The following ZHX2 variants were observed in gnomAD, a reference collection of about 807,000 sequenced individuals.
ZHX2 encodes the protein zinc fingers and homeoboxes 2.
ZHX2 carries 6 observed loss-of-function variants against 21.9 expected under a neutral mutation model. The observed-to-expected ratio is 0.27, with a 90% confidence interval of 0.15 to 0.54. ZHX2 has a LOEUF of 0.54. ZHX2 is among the 20% of genes least tolerant of loss of function. The probability of loss-of-function intolerance (pLI) is 0.95; values close to 1 mark genes in which losing one functional copy is unlikely to be tolerated. For synonymous variants in ZHX2, 434 were observed against 437.1 expected (o/e 0.99, Z 0.09); for missense variants, 908 against 1,090.7 (o/e 0.83, Z 2.36).
chr8:122,791,437 G>A (rs1817516586), intron 1 of ZHX2, among the ~76,000 whole-genome samples: 1 of 152,210 alleles, frequency 6.6e-6, no homozygotes, highest in African/African-American at 2.4e-5. Context: ...AGAGACACAG[G>A]ATCTCGGGTG....
At chr8:122,931,224 C>T (rs1335252852) in intron 2 of ZHX2, among the ~76,000 whole-genome samples, 1 of 152,210 alleles carries the variant, frequency 6.6e-6, no homozygotes, top group African/African-American at 2.4e-5. Context: ...GTGCATGAGG[C>T]TCCACGCCTG....
intron 1 of ZHX2, among the ~76,000 whole-genome samples, chr8:122,821,891 G>A (rs1018516957): frequency 6.6e-6 from 1 of 152,066 alleles, no homozygotes; most frequent in Non-Finnish European, 1.5e-5. Flanking sequence ...TTTTAGTAGA[G>A]ACAGAGTTTC....
intron 1 of ZHX2, among the ~76,000 whole-genome samples, chr8:122,824,633 A>G (rs1818224164): frequency 6.6e-6 from 1 of 152,240 alleles, no homozygotes; most frequent in Admixed American, 6.5e-5. Flanking sequence ...CAAGAGGATC[A>G]CTGGTACCAA....
Position 122,947,092 on chromosome 8 carries a change from C to CAAA in ZHX2, c.-219-4178_-219-4176dup, listed in dbSNP as rs57090731. Among the ~76,000 whole-genome samples, 44 of 67,274 alleles carry CAAA rather than the reference C, an allele frequency of 6.5e-4. 4 individuals carry two copies. The highest frequency in any genetic ancestry group is 7.8e-3 in the Middle Eastern group (1 of 128). The allele number at this position is 67,274 out of a possible 152,430, so 44.1% of individuals were successfully genotyped here. A position where few individuals can be genotyped will look rare whatever the true frequency, so the allele number is the denominator to read the frequency against. On this transcript the variant is annotated intron_variant, in intron 2 of 3. Transcript: ENST00000314393. ...GCAACAGGGTGAAATCCTGTCTTTG[C>CAAA]AAAAAAAAAAAAAAAAAAAAAAAAT...
intron 1 of ZHX2, among the ~76,000 whole-genome samples, chr8:122,839,391 A>G (rs1044360095): frequency 1.3e-5 from 2 of 151,844 alleles, no homozygotes; most frequent in African/African-American, 2.4e-5. Context: ...AGTGACTTCC[A>G]TGTGTTTTCC....
At chr8:122,934,599 G>GTTCCTTCCTTCC (rs1381878356) in intron 2 of ZHX2, among the ~76,000 whole-genome samples, 1 of 150,730 alleles carries the variant, frequency 6.6e-6, no homozygotes, top group Non-Finnish European at 1.5e-5. Context: ...TGGGTGCAAA[G>GTTCCTTCCTTCC]TTCCTTCCTT....
intron 2 of ZHX2, among the ~76,000 whole-genome samples, chr8:122,901,304 G>C (rs531697220): frequency 5.9e-5 from 9 of 152,174 alleles, no homozygotes; most frequent in Admixed American, 3.3e-4. Flanking sequence ...GGAAGAAAAT[G>C]TCATTGTGCA....
intron 1 of ZHX2, among the ~76,000 whole-genome samples, chr8:122,850,897 AC>A (rs1263903538): frequency 6.6e-6 from 1 of 152,082 alleles, no homozygotes; most frequent in Non-Finnish European, 1.5e-5. Flanking sequence ...CTGAGGCCCC[AC>A]ATCCTCACCT....
intron 2 of ZHX2, among the ~76,000 whole-genome samples, chr8:122,930,726 G>A (rs1563589434): frequency 1.3e-5 from 2 of 151,958 alleles, no homozygotes; most frequent in East Asian, 1.9e-4. Context: ...CTGACCTCAG[G>A]TGATCTGACT....
intron 2 of ZHX2, among the ~76,000 whole-genome samples, chr8:122,933,668 A>G (rs1037882261): frequency 6.6e-6 from 1 of 152,212 alleles, no homozygotes; most frequent in African/African-American, 2.4e-5. Context: ...AAAAAAAATA[A>G]AACAAGATTA....
rs552168125 is a variant in ZHX2, at chr8:122,905,635, A to G, written c.-220+42096A>G. ...TGCCAAAACAAAAGCAGAGGATGAG[A>G]ATTTTGAAAAAGGAAAACAGTCTGA... is the stretch of plus-strand genomic sequence containing the variant. On this transcript the variant is annotated intron_variant, in intron 2 of 3. Coordinates refer to ENST00000314393, the MANE Select transcript of ZHX2 (RefSeq NM_014943.5). Among the ~76,000 whole-genome samples the G allele has an allele frequency of 3.3e-5, 5 of 152,344 alleles. No individual in the cohort carries two copies. In the South Asian group the frequency reaches 1.0e-3, roughly 32 times the overall value.
chr8:122,871,421 C>A (rs1819433125), intron 2 of ZHX2, among the ~76,000 whole-genome samples: 2 of 150,916 alleles, frequency 1.3e-5, no homozygotes, highest in Admixed American at 6.6e-5. Flanking sequence ...AGCAAACTAT[C>A]GCAAGGACAA....
intron 1 of ZHX2, among the ~76,000 whole-genome samples, chr8:122,851,445 G>C (rs979494752): frequency 1.3e-5 from 2 of 152,110 alleles, no homozygotes; most frequent in Non-Finnish European, 2.9e-5. Flanking sequence ...CCTGCAGGAG[G>C]CCCTTCCCTG....
Position 122,921,169 on chromosome 8 carries a change from C to A in ZHX2, c.-219-30123C>A, listed in dbSNP as rs1820729027. 2.0e-5 allele frequency among the ~76,000 whole-genome samples: 3 copies of A among 152,102 alleles called. No homozygotes were observed. The South Asian group carries it at 6.2e-4, about 32-fold the overall frequency. On this transcript the variant is annotated intron_variant, in intron 2 of 3. Transcript: ENST00000314393. ...ATCTCTGCTCACTCTGCAACCTCTGCCTCCCAGGTTCAAGTGATTCTCCTG... is the reference window on the plus strand; with the variant it reads ...ATCTCTGCTCACTCTGCAACCTCTGACTCCCAGGTTCAAGTGATTCTCCTG...
chr8:122,792,519 C>CG (rs907858652), intron 1 of ZHX2, among the ~76,000 whole-genome samples: 21 of 152,082 alleles, frequency 1.4e-4, no homozygotes, highest in African/African-American at 4.6e-4. Context: ...TATAGTAACT[C>CG]TATGTTTAAC....
intron 2 of ZHX2, among the ~76,000 whole-genome samples, chr8:122,944,101 C>T (rs1812911680): frequency 6.6e-6 from 1 of 152,186 alleles, no homozygotes. Context: ...CTTTCCTCTA[C>T]CTCCCAGAAT....
At chr8:122,907,026 C>T (rs569381287) in intron 2 of ZHX2, among the ~76,000 whole-genome samples, 42 of 152,192 alleles carry the variant, frequency 2.8e-4, no homozygotes, top group African/African-American at 8.2e-4. Flanking sequence ...TAAGTGGTTT[C>T]GACTTAAAGG....
Position 122,953,581 on chromosome 8 carries a change from A to G in ZHX2, c.2071A>G (p.Met691Val). 1.2e-6 allele frequency: 2 copies of G among 1,614,218 alleles called. No individual in the cohort carries two copies. The highest frequency in any genetic ancestry group is 1.7e-5 in the Admixed American group (1 of 60,028). The change falls in exon 3 of 4, where the codon ATG (methionine) becomes GTG (valine). Residue 691 changes from methionine to valine, a missense_variant. By Grantham distance (21) the Met-to-Val change is conservative (BLOSUM62 1). Around this residue, in one of 4 missense-constraint regions of ZHX2, gnomAD observed 431 missense variants for 428.6 expected, o/e 1.01. Transcript: ENST00000314393. This position sits in a 1 kb window ranked among gnomAD's most constrained non-coding sequence, Gnocchi z 4.6. ...CLLKTGTVKW[M>V]EQYQHQPMAD... ...GCTGAAAACGGGAACCGTGAAGTGG[A>G]TGGAGCAGTACCAGCACCAGCCCAT...
At chr8:122,935,066 T>A (rs952700240) in intron 2 of ZHX2, among the ~76,000 whole-genome samples, 64 of 152,296 alleles carry the variant, frequency 4.2e-4, no homozygotes, top group South Asian at 8.3e-4. Context: ...TAGTTTTTTT[T>A]ATCCACTTTA....
Sources: allele counts gnomAD v4.1 joint callset (sites outside exome capture counted in the v4.1 genomes callset), GRCh38; gene constraint gnomAD v4.1.1; regional missense constraint gnomAD v4.1.1; non-coding constraint Gnocchi (gnomAD v3.1); transcripts MANE v1.5; gene names NCBI Gene and HGNC (gene_info 2026-07-23, HGNC 2026-07-21).